Variants in KTN1 observed in about 807,000 individuals in gnomAD.
KTN1 encodes the protein kinectin 1.
In KTN1, 130 loss-of-function variants were observed where a neutral mutation model predicts 222.5. That is an observed-to-expected ratio of 0.58 (90% CI 0.51 to 0.68). KTN1 has a LOEUF of 0.68. Ranked by LOEUF, KTN1 falls within the 30% of genes least tolerant of loss-of-function variation. The pLI is 0.00. For synonymous variants in KTN1, 512 were observed against 496.3 expected, an observed-to-expected ratio of 1.03 and a Z score of -0.42; for missense variants, 1,508 against 1,500.4, an observed-to-expected ratio of 1.01 and a Z score of -0.08.
intron 18 of KTN1, among the ~76,000 whole-genome samples, chr14:55,643,216 T>A (rs1293809052): frequency 6.6e-6 from 1 of 152,156 alleles, no homozygotes; most frequent in East Asian, 1.9e-4. Context: ...AGCTAAGGCT[T>A]ATTTTTGTCT....
At chr14:55,657,492 A>G (rs951113982) in intron 29 of KTN1, among the ~76,000 whole-genome samples, 1 of 150,596 alleles carries the variant, frequency 6.6e-6, no homozygotes, top group African/African-American at 2.4e-5. Flanking sequence ...TATTTTCCCC[A>G]TTTTTTCTTC....
At chr14:55,662,634 G>A (rs942048576) in intron 32 of KTN1, among the ~76,000 whole-genome samples, 2 of 152,158 alleles carry the variant, frequency 1.3e-5, no homozygotes, top group Admixed American at 1.3e-4. Context: ...GCTAAGACTT[G>A]AGCAAGGATA....
intron 5 of KTN1, among the ~76,000 whole-genome samples, chr14:55,619,679 T>C (rs1213063573): frequency 6.6e-6 from 1 of 152,122 alleles, no homozygotes; most frequent in Non-Finnish European, 1.5e-5. Flanking sequence ...CTTGTAAGGC[T>C]TATTTACTAC....
intron 5 of KTN1, among the ~76,000 whole-genome samples, chr14:55,624,880 C>T (rs1289530827): frequency 6.6e-6 from 1 of 152,082 alleles, no homozygotes; most frequent in East Asian, 1.9e-4. Flanking sequence ...GTTTGATATC[C>T]TTAGTAAAAG....
chr14:55,640,847 C>G, intron 15 of KTN1, 86 bp from the exon 16 acceptor site: 1 of 1,077,552 alleles, frequency 9.3e-7, no homozygotes, highest in Non-Finnish European at 1.4e-6. Context: ...GGAAATACAG[C>G]TTTTTAATAT....
At chr14:55,679,202 A>T in intron 42 of KTN1, 1 of 189,748 alleles carries the variant, frequency 5.3e-6, no homozygotes. Context: ...CTTACTTACT[A>T]AGAGCTCAGT....
intron 1 of KTN1, among the ~76,000 whole-genome samples, chr14:55,582,464 T>A (rs2140282010): frequency 6.6e-6 from 1 of 152,322 alleles, no homozygotes; most frequent in Non-Finnish European, 1.5e-5. Flanking sequence ...ATTGTCACTG[T>A]TCTTAAGTTC....
chr14:55,646,739 CA>C (rs1246095440), intron 18 of KTN1, among the ~76,000 whole-genome samples: 2 of 151,746 alleles, frequency 1.3e-5, no homozygotes, highest in African/African-American at 4.8e-5. Flanking sequence ...GATACTAATT[CA>C]TTTTGCCAGC....
chr14:55,628,721 TAAAA>T (rs1171005362), intron 6 of KTN1, among the ~76,000 whole-genome samples: 6 of 152,164 alleles, frequency 3.9e-5, no homozygotes, highest in Admixed American at 2.0e-4. Context: ...TTGAAGTAAA[TAAAA>T]AAAGTCAATG....
chr14:55,604,324 A>G (rs2036425431), intron 1 of KTN1, among the ~76,000 whole-genome samples: 1 of 152,182 alleles, frequency 6.6e-6, no homozygotes, highest in African/African-American at 2.4e-5. Flanking sequence ...AGATATGGAT[A>G]GCACCATGGC....
chr14:55,612,277 T>C lies in KTN1; in HGVS notation c.229T>C (p.Ser77Pro). Residue 77 changes from serine (S) to proline (P), a missense_variant, in exon 2 of 44, where the codon TCT (serine) becomes CCT (proline). Coordinates refer to ENST00000395314, the MANE Select transcript of KTN1 (RefSeq NM_001079521.2). ...IQNGNLHESD[S>P]ESVPRDFKLS... is the part of the protein sequence containing the mutation. ...GAATGGAAACCTCCATGAATCCGAC[T>C]CTGAGAGTGTACCTCGAGACTTTAA... The C allele has an allele frequency of 6.2e-7, 1 of 1,608,224 alleles. No individual in the cohort carries two copies. Among genetic ancestry groups the C allele is most frequent in the Non-Finnish European group, 8.5e-7 (1 of 1,178,756 alleles).
intron 1 of KTN1, among the ~76,000 whole-genome samples, chr14:55,591,833 C>T (rs1336853041): frequency 2.0e-5 from 3 of 152,110 alleles, no homozygotes; most frequent in Non-Finnish European, 4.4e-5. Flanking sequence ...GCCTCGGCCA[C>T]CCAAAATGCT....
intron 1 of KTN1, among the ~76,000 whole-genome samples, chr14:55,611,263 CTTT>C (rs897315974): frequency 0.067 from 7,806 of 115,876 alleles, 158 homozygotes; most frequent in Non-Finnish European, 0.094. Flanking sequence ...ATTTTCTTGT[CTTT>C]TTTTTTTTTT....
At chr14:55,613,420 GT>G (rs1367396094) in intron 2 of KTN1, among the ~76,000 whole-genome samples, 2 of 151,180 alleles carry the variant, frequency 1.3e-5, no homozygotes, top group African/African-American at 4.9e-5. Context: ...TAAACAGTTT[GT>G]TTTATTTGAA....
intron 1 of KTN1, among the ~76,000 whole-genome samples, chr14:55,591,635 C>T (rs1316987175): frequency 7.6e-6 from 1 of 131,938 alleles, no homozygotes; most frequent in East Asian, 2.3e-4. Flanking sequence ...GTCGCCCAGG[C>T]TGGAGTGCAA....
intron 34 of KTN1, chr14:55,668,276 C>A (rs1199669232): frequency 6.6e-6 from 1 of 151,938 alleles, no homozygotes; most frequent in African/African-American, 2.4e-5. Context: ...CGAATAAGGT[C>A]AGTATGTAAC....
At chr14:55,680,822 G>T (rs10483651) in intron 43 of KTN1, 236,642 of 704,112 alleles carry the variant, frequency 0.34, 41,185 homozygotes, top group South Asian at 0.37. Flanking sequence ...TTAAGCCTCA[G>T]CTCAAATCTT....
intron 1 of KTN1, among the ~76,000 whole-genome samples, chr14:55,583,558 C>T (rs2032234979): frequency 6.6e-6 from 1 of 152,186 alleles, no homozygotes; most frequent in South Asian, 2.1e-4. Context: ...TCTTCCAGGA[C>T]ATTCTGCTTT....
intron 1 of KTN1, among the ~76,000 whole-genome samples, chr14:55,602,654 T>C (rs1338643909): frequency 6.6e-6 from 1 of 151,908 alleles, no homozygotes; most frequent in Non-Finnish European, 1.5e-5. Context: ...AAATCATGGC[T>C]TACTATAGCC....
Sources: allele counts gnomAD v4.1 joint callset (sites outside exome capture counted in the v4.1 genomes callset), GRCh38; gene constraint gnomAD v4.1.1; transcripts MANE v1.5; gene names NCBI Gene and HGNC (gene_info 2026-07-23, HGNC 2026-07-21).